Variants in CRTAP observed in about 807,000 individuals in gnomAD.
CRTAP encodes the protein cartilage associated protein.
CRTAP carries 33 observed loss-of-function variants against 42.7 expected under a neutral mutation model. The ratio of observed to expected loss-of-function variants is 0.77; its 90% CI spans 0.59 to 1.03. The LOEUF is 1.03. Ranked by LOEUF, CRTAP falls within the 50% of genes least tolerant of loss-of-function variation. The pLI is 0.00. For missense variants in CRTAP, 613 were observed against 533.9 expected, an observed-to-expected ratio of 1.15 and a Z score of -1.46; for synonymous variants, 243 against 217.7, an observed-to-expected ratio of 1.12 and a Z score of -1.02.
At chr3:33,114,728 A>G (rs988272936) in intron 1 of CRTAP, among the ~76,000 whole-genome samples, 180 bp downstream of exon 1, 6 of 152,212 alleles carry the variant, frequency 3.9e-5, no homozygotes, top group Non-Finnish European at 7.3e-5. Flanking sequence ...TCAACTAGAG[A>G]TGAAAATGCC....
chr3:33,115,307 A>G (rs1388158180), intron 1 of CRTAP: 1 of 152,176 alleles, frequency 6.6e-6, no homozygotes, highest in African/African-American at 2.4e-5. Context: ...CCTTGCAAGG[A>G]CACATCCCTG....
intron 4 of CRTAP, among the ~76,000 whole-genome samples, chr3:33,130,614 C>G (rs2030231416): frequency 7.0e-6 from 1 of 143,728 alleles, no homozygotes; most frequent in African/African-American, 2.6e-5. Flanking sequence ...CTTACTGCAA[C>G]CTCCGCCTCC....
chr3:33,128,370 C>T (rs1309598369), intron 3 of CRTAP, among the ~76,000 whole-genome samples: 1 of 152,038 alleles, frequency 6.6e-6, no homozygotes, highest in Non-Finnish European at 1.5e-5. Context: ...ATCCTTTGGC[C>T]TTCTTTGTCT....
intron 5 of CRTAP, 107 bp downstream of exon 5, chr3:33,132,807 C>A: frequency 7.4e-7 from 1 of 1,357,364 alleles, no homozygotes. Context: ...GGGCTGGGCG[C>A]GGTGACTCAT....
intron 1 of CRTAP, among the ~76,000 whole-genome samples, chr3:33,119,275 T>C (rs770681039): frequency 3.3e-5 from 5 of 152,208 alleles, no homozygotes; most frequent in Non-Finnish European, 7.3e-5. Flanking sequence ...TGCCTTGTCC[T>C]GAGGACTGTG....
At chr3:33,131,376 C>T (rs1035129580) in intron 4 of CRTAP, among the ~76,000 whole-genome samples, 1 of 152,066 alleles carries the variant, frequency 6.6e-6, no homozygotes, top group Admixed American at 6.6e-5. Flanking sequence ...TATAAAAAGC[C>T]ATAAGGTCTT....
chr3:33,136,856 G>A lies in CRTAP; in HGVS notation c.1152+2591G>A, dbSNP rs149910711. On this transcript the variant is annotated intron_variant, in intron 6 of 6. Coordinates refer to ENST00000320954, the MANE Select transcript of CRTAP (RefSeq NM_006371.5). ...TCCACCAGGCCCCACTTCCAACACC[G>A]GAGATTACATTTCAACATGAGATTT... 1.4e-4 allele frequency among the ~76,000 whole-genome samples: 21 copies of A among 152,166 alleles called. No homozygotes were observed. In the East Asian group the frequency reaches 2.1e-3, roughly 15 times the overall value.
chr3:33,115,102 C>T (rs757520553), intron 1 of CRTAP, among the ~76,000 whole-genome samples: 3 of 152,106 alleles, frequency 2.0e-5, no homozygotes, highest in Non-Finnish European at 2.9e-5. Flanking sequence ...CGCCACCACA[C>T]CTAGCTAATT....
rs2030533342 is a variant in CRTAP at position 33,140,093 on chromosome 3, G to A, written c.1153-2302G>A. The stretch of plus-strand genomic sequence containing the variant: ...GGCTGTGAACATTTTCAAGACTTCT[G>A]ATGTACAAGAACAACATATATAGAA... On this transcript the variant is annotated intron_variant, in intron 6 of 6. Coordinates refer to ENST00000320954, the MANE Select transcript of CRTAP (RefSeq NM_006371.5). Among the ~76,000 whole-genome samples, 6 of 152,286 alleles carry A rather than the reference G, an allele frequency of 3.9e-5. No individual in the cohort carries two copies. In the South Asian group the frequency reaches 1.2e-3, roughly 32 times the overall value.
rs1451686976 is a variant in CRTAP at position 33,147,658 on chromosome 3, C to T, written c.*5210C>T. On this transcript the variant is annotated 3_prime_UTR_variant, in exon 7 of 7. Coordinates refer to ENST00000320954, the MANE Select transcript of CRTAP (RefSeq NM_006371.5). ...TTGCTGATGTCTTTTTCTGCCTCCC[C>T]TCTTTGGGTTAGTGTGGTATGTACA... 6.6e-6 allele frequency: 1 copy of T among 152,232 alleles called. No individual in the cohort carries two copies. The highest frequency in any genetic ancestry group is 1.5e-5 in the Non-Finnish European group (1 of 68,038). The allele number at this position is 152,232 out of a possible 1,614,324, so 9.4% of individuals were successfully genotyped here.
rs1371807020 is a variant in CRTAP at position 33,142,462 on chromosome 3, A to G, written c.*14A>G. ...GAGACCAGCTAGCCCACAGCAACCA[A>G]AGAGACTTCCTCTTGGCGTTCAGGA... On this transcript the variant is annotated 3_prime_UTR_variant, in exon 7 of 7. Coordinates refer to ENST00000320954, the MANE Select transcript of CRTAP (RefSeq NM_006371.5). 1 of 1,613,652 alleles carries G rather than the reference A, an allele frequency of 6.2e-7. No homozygotes were observed. The highest frequency in any genetic ancestry group is 1.3e-5 in the African/African-American group (1 of 75,020).
chr3:33,126,489 AT>A (rs2030076808), intron 3 of CRTAP, among the ~76,000 whole-genome samples: 1 of 151,824 alleles, frequency 6.6e-6, no homozygotes, highest in African/African-American at 2.4e-5. Context: ...GCTCGGTTTG[AT>A]TTTGTTTTAG....
At chr3:33,120,687 A>G (rs1330171593) in intron 2 of CRTAP, among the ~76,000 whole-genome samples, 194 bp downstream of exon 2, 4 of 152,220 alleles carry the variant, frequency 2.6e-5, no homozygotes, top group African/African-American at 7.2e-5. Flanking sequence ...TGCCGTGATG[A>G]TTTTAAAAGC....
At position 33,114,100 on chromosome 3, in the gene CRTAP, C is replaced by T. The variant is rs770294468; in HGVS notation, c.23C>T (p.Ala8Val). Residue 8 changes from alanine to valine, a missense_variant, in exon 1 of 7, where the codon GCC (alanine) becomes GTC (valine). By Grantham distance (64) the Ala-to-Val change is moderately conservative (BLOSUM62 0). Transcript: ENST00000320954. ...GCGATGGAGCCGGGGCGCCGGGGGGCCGCGGCGCTGCTAGCGCTGCTGTGC... is the reference window on the plus strand; with the variant it reads ...GCGATGGAGCCGGGGCGCCGGGGGGTCGCGGCGCTGCTAGCGCTGCTGTGC... MEPGRRG[A>V]AALLALLCVA... is the part of the protein sequence containing the mutation. 3.8e-5 allele frequency: 56 copies of T among 1,471,002 alleles called. No homozygotes were observed. Among genetic ancestry groups the T allele is most frequent in the Non-Finnish European group, 4.8e-5 (54 of 1,119,196 alleles). The allele number at this position is 1,471,002 out of a possible 1,614,324, so 91.1% of individuals were successfully genotyped here.
chr3:33,128,558 C>CAT (rs2030145424), intron 3 of CRTAP, among the ~76,000 whole-genome samples: 1 of 152,028 alleles, frequency 6.6e-6, no homozygotes, highest in South Asian at 2.1e-4. Context: ...TTTGTTTGCA[C>CAT]CCTTATTGTT....
At chr3:33,117,951 C>CCTTT (rs199592277) in intron 1 of CRTAP, among the ~76,000 whole-genome samples, 3,077 of 143,842 alleles carry the variant, frequency 0.021, 111 homozygotes, top group African/African-American at 0.072. Flanking sequence ...TCTTTCTATT[C>CCTTT]CTTTCTTTCT....
chr3:33,145,620 A>G lies in CRTAP; in HGVS notation c.*3172A>G, dbSNP rs1575522128. Reference sequence around the variant, plus strand: ...TCCTGAGTCTGTAAATAGTGTGCCCAGCAGCTGTGAACTCCCCTTATAGCC... The same window carrying G: ...TCCTGAGTCTGTAAATAGTGTGCCCGGCAGCTGTGAACTCCCCTTATAGCC... On this transcript the variant is annotated 3_prime_UTR_variant, in exon 7 of 7. Coordinates refer to ENST00000320954, the MANE Select transcript of CRTAP (RefSeq NM_006371.5). This position sits in a 1 kb window ranked among gnomAD's most constrained non-coding sequence, Gnocchi z 4.3. The G allele has an allele frequency of 6.6e-6, 1 of 152,462 alleles. No homozygotes were observed. The highest frequency in any genetic ancestry group is 2.1e-4 in the South Asian group (1 of 4,818). 9.4% of individuals were successfully genotyped at this position (152,462 alleles called of 1,614,324 possible). A position where few individuals can be genotyped will look rare whatever the true frequency, so the allele number is the denominator to read the frequency against.
In CRTAP at chr3:33,114,383, C is replaced by T; in HGVS notation, c.306C>T (p.Ser102=). 6.5e-7 allele frequency: 1 copy of T among 1,529,296 alleles called. No homozygotes were observed. The highest frequency in any genetic ancestry group is 8.7e-7 in the Non-Finnish European group (1 of 1,143,940). 94.7% of individuals were successfully genotyped at this position (1,529,296 alleles called of 1,614,324 possible). ...CCGAGCCCGCCGCCGGCCTCGCCAG[C>T]TATCCCGAGCTGCGCCTCTTCGGGG... The part of the protein sequence containing the change: ...PQPEPAAGLA[S]YPELRLFGGL... Residue 102 remains serine (S), a synonymous_variant, in exon 1 of 7, where the codon AGC becomes AGT. Transcript: ENST00000320954.
chr3:33,119,160 A>G (rs1374944261), intron 1 of CRTAP, among the ~76,000 whole-genome samples: 5 of 152,200 alleles, frequency 3.3e-5, no homozygotes, highest in East Asian at 1.9e-4. Flanking sequence ...GGCCCCTTCA[A>G]TGGAGAGAAG....
Sources: allele counts gnomAD v4.1 joint callset (sites outside exome capture counted in the v4.1 genomes callset), GRCh38; gene constraint gnomAD v4.1.1; non-coding constraint Gnocchi (gnomAD v3.1); transcripts MANE v1.5; gene names NCBI Gene and HGNC (gene_info 2026-07-23, HGNC 2026-07-21).